PTPRT: variants seen among roughly 807,000 people sequenced by gnomAD.
PTPRT encodes protein tyrosine phosphatase receptor type T.
A neutral mutation model predicts 176.8 loss-of-function variants in PTPRT; 56 were observed. That is an observed-to-expected ratio of 0.32 (90% CI 0.26 to 0.40). PTPRT has a LOEUF of 0.40. PTPRT is among the 10% of genes least tolerant of loss of function. PTPRT has a pLI of 1.00. For missense variants in PTPRT, 1,540 were observed against 1,908.2 expected, an observed-to-expected ratio of 0.81 and a Z score of 3.60; for synonymous variants, 783 against 739.0, an observed-to-expected ratio of 1.06 and a Z score of -0.96.
In PTPRT at chr20:43,021,690, G is replaced by T. The variant is rs550448171; in HGVS notation, c.89-135758C>A. 2.6e-5 allele frequency among the ~76,000 whole-genome samples: 4 copies of T among 152,028 alleles called. No homozygotes were observed. In the East Asian group the frequency reaches 7.7e-4, roughly 29 times the overall value. ...AGACAGTTAAGGTATTCAGATCACTGAAGCATTGTTACTAGGTGTAAATAT... is the reference window on the plus strand; with the variant it reads ...AGACAGTTAAGGTATTCAGATCACTTAAGCATTGTTACTAGGTGTAAATAT... On this transcript the variant is annotated intron_variant, in intron 1 of 30. Coordinates refer to ENST00000373187, the MANE Select transcript of PTPRT (RefSeq NM_007050.6).
chr20:43,036,914 A>G (rs1986403696), intron 1 of PTPRT, among the ~76,000 whole-genome samples: 1 of 152,262 alleles, frequency 6.6e-6, no homozygotes, highest in Admixed American at 6.5e-5. Flanking sequence ...ATGAATTAAT[A>G]AACTGAAAAG....
Position 42,537,087 on chromosome 20 carries a change from GA to G in PTPRT, c.1154-64526del, listed in dbSNP as rs576307845. Among the ~76,000 whole-genome samples the G allele has an allele frequency of 5.1e-3, 751 of 146,424 alleles. 5 individuals are homozygous for G. Among genetic ancestry groups the G allele is most frequent in the African/African-American group, 0.017 (673 of 40,034 alleles). On this transcript the variant is annotated intron_variant, in intron 7 of 30. Transcript: ENST00000373187. ...TTTCTCTAAGAAGTAGAGACAAGTGGAAAAAAAAAACCCTAAGTTTTAGAAT... is the reference window on the plus strand; with the variant it reads ...TTTCTCTAAGAAGTAGAGACAAGTGGAAAAAAAAACCCTAAGTTTTAGAAT...
At chr20:42,713,690 G>A (rs1257298645) in intron 6 of PTPRT, among the ~76,000 whole-genome samples, 5 of 152,148 alleles carry the variant, frequency 3.3e-5, no homozygotes. Context: ...GTTGGAGGTG[G>A]GATGTAGTGG....
intron 1 of PTPRT, among the ~76,000 whole-genome samples, chr20:43,096,508 G>A (rs2012174315): frequency 6.6e-6 from 1 of 152,180 alleles, no homozygotes; most frequent in South Asian, 2.1e-4. Context: ...TTCAGCAGCT[G>A]GGCCCCTCCT....
chr20:42,604,972 A>G (rs1008950510), intron 7 of PTPRT, among the ~76,000 whole-genome samples: 2 of 152,168 alleles, frequency 1.3e-5, no homozygotes, highest in Non-Finnish European at 2.9e-5. Flanking sequence ...CAGGCAAGCT[A>G]TCAGCAGGGG....
rs553196561 is a variant in PTPRT at position 42,112,529 on chromosome 20, T to C, written c.3100-2042A>G. On this transcript the variant is annotated intron_variant, in intron 22 of 30. Coordinates refer to ENST00000373187, the MANE Select transcript of PTPRT (RefSeq NM_007050.6). ...TAATGTTCTGGGAAAAACAGAAATT[T>C]TTTTTACCCTTATGGGGGGCACCTG... 5.3e-4 allele frequency among the ~76,000 whole-genome samples: 80 copies of C among 151,650 alleles called. 1 individual carries two copies. Among genetic ancestry groups the C allele is most frequent in the Middle Eastern group, 3.4e-3 (1 of 294 alleles).
chr20:42,968,905 C>T (rs1982458794), intron 1 of PTPRT: 1 of 152,222 alleles, frequency 6.6e-6, no homozygotes, highest in Admixed American at 6.5e-5. Context: ...TTGTAGAGGA[C>T]CCATCAGGCA....
chr20:42,059,616 C>T, the PTPRT span, among the ~76,000 whole-genome samples: 2 of 152,132 alleles, frequency 1.3e-5, no homozygotes, highest in Admixed American at 6.5e-5. Context: ...AGAAAAATGA[C>T]ACCCAGTGAT....
In PTPRT at chr20:42,625,297, C is replaced by G. The variant is rs1322751127; in HGVS notation, c.1153+52569G>C. Among the ~76,000 whole-genome samples, 3 of 151,924 alleles carry G rather than the reference C, an allele frequency of 2.0e-5. No individual in the cohort carries two copies. In the East Asian group the frequency reaches 5.8e-4, roughly 29 times the overall value. On this transcript the variant is annotated intron_variant, in intron 7 of 30. Coordinates refer to ENST00000373187, the MANE Select transcript of PTPRT (RefSeq NM_007050.6). ...TGCATAAACCAGAGATTTAAAAAGA[C>G]TTAATTTGCTAAGTCGTGTGTCAGA...
intron 9 of PTPRT, among the ~76,000 whole-genome samples, chr20:42,372,886 C>T (rs1205067650): frequency 6.6e-6 from 1 of 152,182 alleles, no homozygotes; most frequent in Admixed American, 6.5e-5. Context: ...GACCTCCCAG[C>T]CTCCAGAACT....
intron 6 of PTPRT, among the ~76,000 whole-genome samples, chr20:42,737,724 G>A (rs553775803): frequency 6.6e-6 from 1 of 152,050 alleles, no homozygotes; most frequent in South Asian, 2.1e-4. Flanking sequence ...CAGGACTCCA[G>A]AACTGTAAGA....
intron 7 of PTPRT, among the ~76,000 whole-genome samples, chr20:42,668,858 ATTTTTTTTT>A (rs755121515): frequency 3.7e-5 from 3 of 81,276 alleles, no homozygotes; most frequent in African/African-American, 9.4e-5. Context: ...CGCCCAGCTA[ATTTTTTTTT>A]TTTTTTTTTT....
chr20:42,328,094 T>G (rs2145424477), intron 11 of PTPRT, among the ~76,000 whole-genome samples: 1 of 152,258 alleles, frequency 6.6e-6, no homozygotes, highest in South Asian at 2.1e-4. Context: ...CCTTATATGA[T>G]GCCTTATAAG....
chr20:42,088,286 G>C (rs1208001428), intron 27 of PTPRT, among the ~76,000 whole-genome samples: 1 of 152,138 alleles, frequency 6.6e-6, no homozygotes, highest in Admixed American at 6.5e-5. Context: ...CGGGGGTCTG[G>C]TTCAGGCTAC....
At chr20:42,053,321 T>C in the PTPRT span, among the ~76,000 whole-genome samples, 2 of 152,198 alleles carry the variant, frequency 1.3e-5, no homozygotes, top group Non-Finnish European at 2.9e-5. Context: ...CTTTTACTGA[T>C]GGGACAATGA....
Position 42,424,538 on chromosome 20 carries a change from C to T in PTPRT, c.1560+23682G>A, listed in dbSNP as rs536356458. ...AGCCTTAAACAGCAAGCAAAATGAG[C>T]TTCCCTGTGCCTAATTTGGGAATGA... On this transcript the variant is annotated intron_variant, in intron 9 of 30. Coordinates refer to ENST00000373187, the MANE Select transcript of PTPRT (RefSeq NM_007050.6). Among the ~76,000 whole-genome samples the T allele has an allele frequency of 3.9e-5, 6 of 152,212 alleles. No individual in the cohort carries two copies. The East Asian group carries it at 1.2e-3, about 29-fold the overall frequency.
chr20:42,420,413 T>A (rs1243250921), intron 9 of PTPRT, among the ~76,000 whole-genome samples: 1 of 152,098 alleles, frequency 6.6e-6, no homozygotes, highest in East Asian at 1.9e-4. Context: ...AAATGCTTCT[T>A]TGCTCTGATT....
chr20:42,717,155 G>T (rs2076237050), intron 6 of PTPRT, among the ~76,000 whole-genome samples: 1 of 149,204 alleles, frequency 6.7e-6, no homozygotes, highest in African/African-American at 2.5e-5. Context: ...CCTGCACGTT[G>T]TGCACATGTA....
rs1376880591 is a variant in PTPRT at position 42,780,114 on chromosome 20, A to G, written c.568+104T>C. Reference sequence around the variant, plus strand: ...CTGAAGGATTCAAAGAGAAAGAGAGAGTGAGAGATGTTTGTAAGCTGAATG... The same window carrying G: ...CTGAAGGATTCAAAGAGAAAGAGAGGGTGAGAGATGTTTGTAAGCTGAATG... On this transcript the variant is annotated intron_variant, in intron 4 of 30. Transcript: ENST00000373187. The G allele has an allele frequency of 3.3e-6, 3 of 906,050 alleles. No homozygotes were observed. In the African/African-American group the frequency reaches 4.9e-5, roughly 15 times the overall value. 56.1% of individuals were successfully genotyped at this position (906,050 alleles called of 1,614,324 possible).
Sources: allele counts gnomAD v4.1 joint callset (sites outside exome capture counted in the v4.1 genomes callset), GRCh38; gene constraint gnomAD v4.1.1; transcripts MANE v1.5; gene names NCBI Gene and HGNC (gene_info 2026-07-23, HGNC 2026-07-21).